The following PHACTR4 variants were observed in gnomAD, a reference collection of about 807,000 sequenced individuals.
PHACTR4 encodes the protein protein phosphatase 1, regulatory subunit 124.
Under a neutral mutation model 72.7 loss-of-function variants are expected in PHACTR4, and 51 were observed. The observed-to-expected ratio is 0.70, with a 90% CI of 0.56 to 0.89. The LOEUF (loss-of-function observed/expected upper bound fraction) is 0.89, where lower values mean the gene tolerates loss of function less well. PHACTR4 is among the 40% of genes least tolerant of loss of function. The pLI, the probability that PHACTR4 is intolerant of heterozygous loss-of-function variation, is 0.00. For missense variants in PHACTR4, 731 were observed against 861.8 expected, an observed-to-expected ratio of 0.85 and a Z score of 1.90; for synonymous variants, 255 against 302.5, an observed-to-expected ratio of 0.84 and a Z score of 1.63.
chr1:28,384,043 G>A (rs569239700), intron 1 of PHACTR4, among the ~76,000 whole-genome samples: 13 of 152,162 alleles, frequency 8.5e-5, no homozygotes, highest in Non-Finnish European at 1.9e-4. Flanking sequence ...GCTTTTTGAT[G>A]TGCTGCGGAT....
chr1:28,396,369 A>G (rs1433653699), intron 1 of PHACTR4, among the ~76,000 whole-genome samples: 1 of 151,542 alleles, frequency 6.6e-6, no homozygotes, highest in Non-Finnish European at 1.5e-5. Context: ...TCGTCTCTAC[A>G]AAAATACAAA....
intron 13 of PHACTR4, among the ~76,000 whole-genome samples, chr1:28,495,641 A>G (rs1474947929): frequency 6.6e-6 from 1 of 151,126 alleles, no homozygotes; most frequent in Non-Finnish European, 1.5e-5. Context: ...TTTTGAGACA[A>G]GGTCTCACTC....
At chr1:28,488,264 G>A (rs948597562) in intron 9 of PHACTR4, among the ~76,000 whole-genome samples, 1 of 151,916 alleles carries the variant, frequency 6.6e-6, no homozygotes, top group Non-Finnish European at 1.5e-5. Flanking sequence ...TTGGGAGGCC[G>A]AGGCAGGCGG....
rs58595820 is a variant in PHACTR4 at position 28,393,292 on chromosome 1, A to T, written c.-38-14118A>T. On this transcript the variant is annotated intron_variant, in intron 1 of 13. Transcript: ENST00000373839. ...ATAGGACTTCTGGGACAACATCTTT[A>T]TATACTTGGGAGAAGGGTTCATCCT... is the stretch of plus-strand genomic sequence containing the variant. 3.2e-3 allele frequency among the ~76,000 whole-genome samples: 481 copies of T among 152,302 alleles called. 2 individuals carry two copies. The highest frequency in any genetic ancestry group is 0.011 in the African/African-American group (440 of 41,582).
chr1:28,400,872 G>A (rs763839953), intron 1 of PHACTR4, among the ~76,000 whole-genome samples: 7 of 152,164 alleles, frequency 4.6e-5, no homozygotes, highest in Middle Eastern at 3.2e-3. Context: ...GAGCCACCAC[G>A]CCCGGCCTGA....
At chr1:28,484,243 C>A (rs989297245) in intron 9 of PHACTR4, among the ~76,000 whole-genome samples, 3 of 152,074 alleles carry the variant, frequency 2.0e-5, no homozygotes, top group African/African-American at 7.2e-5. Context: ...ATCACTTGAA[C>A]CCAGGAGGCA....
chr1:28,381,968 A>G (rs898715986), intron 1 of PHACTR4, among the ~76,000 whole-genome samples: 3 of 151,928 alleles, frequency 2.0e-5, no homozygotes, highest in Non-Finnish European at 4.4e-5. Context: ...AGGTTTCAAC[A>G]TGTTGGCCAG....
chr1:28,393,640 A>G (rs10902702), intron 1 of PHACTR4, among the ~76,000 whole-genome samples: 58,651 of 152,008 alleles, frequency 0.39, 13,008 homozygotes, highest in African/African-American at 0.6. Flanking sequence ...ACTGGTTTAT[A>G]TATTTACTAT....
At chr1:28,466,833 G>C (rs887608293) in intron 6 of PHACTR4, 65 bp downstream of exon 6, 3 of 1,523,602 alleles carry the variant, frequency 2.0e-6, no homozygotes, top group Non-Finnish European at 2.7e-6. Flanking sequence ...TATTTTATTT[G>C]ATAACTGGTA....
chr1:28,475,612 A>C (rs2124509549), intron 7 of PHACTR4, among the ~76,000 whole-genome samples: 1 of 152,294 alleles, frequency 6.6e-6, no homozygotes, highest in African/African-American at 2.4e-5. Flanking sequence ...CTGAACCCTT[A>C]GATTAATACC....
At chr1:28,371,851 C>T (rs1319539807) in intron 1 of PHACTR4, among the ~76,000 whole-genome samples, 1 of 152,120 alleles carries the variant, frequency 6.6e-6, no homozygotes, top group African/African-American at 2.4e-5. Flanking sequence ...GATCCTCCCT[C>T]CCAAAGTGCT....
chr1:28,389,809 A>G (rs1462743671), intron 1 of PHACTR4, among the ~76,000 whole-genome samples: 2 of 152,108 alleles, frequency 1.3e-5, no homozygotes, highest in Non-Finnish European at 2.9e-5. Flanking sequence ...AACAGTATGG[A>G]GATTCCTCAA....
chr1:28,491,700 G>A lies in PHACTR4; in HGVS notation c.1929G>A (p.Arg643=), dbSNP rs1359488251. Residue 643 remains arginine, a synonymous_variant, in exon 12 of 14, where the codon AGG becomes AGA. Transcript: ENST00000373839. ...AACTCCTTGCCAGGAAGATTCTGAG[G>A]TTTAATGAATATGTAGAGGTAACAG... ...VAELLARKIL[R]FNEYVEVTDA... 1 of 1,614,154 alleles carries A rather than the reference G, an allele frequency of 6.2e-7. No individual in the cohort carries two copies. The highest frequency in any genetic ancestry group is 1.7e-5 in the Admixed American group (1 of 60,002).
intron 1 of PHACTR4, among the ~76,000 whole-genome samples, chr1:28,379,852 G>A (rs1652010917): frequency 6.6e-6 from 1 of 151,576 alleles, no homozygotes; most frequent in Admixed American, 6.6e-5. Context: ...GCCTCCCAAA[G>A]TGCTGGGATT....
intron 6 of PHACTR4, among the ~76,000 whole-genome samples, chr1:28,470,868 T>A (rs1448039974): frequency 6.8e-6 from 1 of 146,384 alleles, no homozygotes; most frequent in Non-Finnish European, 1.5e-5. Flanking sequence ...TACTAAAAAT[T>A]AAAAAAATTA....
In PHACTR4 at chr1:28,416,599, A is replaced by G. The variant is rs191066203; in HGVS notation, c.16+9136A>G. ...GGACTATTGCCTGTGTCCTCTCACC[A>G]CTTTTTATCACTTCTGACTACGTCT... On this transcript the variant is annotated intron_variant, in intron 2 of 13. Transcript: ENST00000373839. 3.3e-5 allele frequency among the ~76,000 whole-genome samples: 5 copies of G among 152,260 alleles called. No homozygotes were observed. The East Asian group carries it at 7.7e-4, about 24-fold the overall frequency.
chr1:28,486,173 A>G (rs562094964), intron 9 of PHACTR4, among the ~76,000 whole-genome samples: 1 of 151,978 alleles, frequency 6.6e-6, no homozygotes, highest in Non-Finnish European at 1.5e-5. Flanking sequence ...CCTGATCAAC[A>G]TGGAGAAACT....
At position 28,407,556 on chromosome 1, in the gene PHACTR4, A is replaced by G. The variant is rs1319410067; in HGVS notation, c.16+93A>G. ...TGAGAGTAAATTGGTTTTTTTTCAT[A>G]TTCAGTATGCTACTCTCTAGAATAA... On this transcript the variant is annotated intron_variant, in intron 2 of 13. Transcript: ENST00000373839. The G allele has an allele frequency of 1.0e-5, 11 of 1,097,088 alleles. No homozygotes were observed. The East Asian group carries it at 2.2e-4, about 21-fold the overall frequency. 68.0% of individuals were successfully genotyped at this position (1,097,088 alleles called of 1,614,324 possible).
chr1:28,408,955 C>T (rs545745891), intron 2 of PHACTR4, among the ~76,000 whole-genome samples: 3 of 151,300 alleles, frequency 2.0e-5, no homozygotes, highest in East Asian at 3.9e-4. Context: ...GTTAGAATTA[C>T]AGGCGTGAGC....
Sources: gnomAD v4.1 joint callset for allele counts (sites outside exome capture counted in the v4.1 genomes callset) on GRCh38, gnomAD v4.1.1 for gene constraint, MANE v1.5 for transcripts, NCBI Gene and HGNC (gene_info 2026-07-23, HGNC 2026-07-21) for gene names.